The following UMOD variants were observed in gnomAD, a reference collection of about 807,000 sequenced individuals.
The protein encoded by UMOD is uromodulin, also known as Tamm-Horsfall urinary glycoprotein.
A neutral mutation model predicts 66.0 loss-of-function variants in UMOD; 64 were observed. The observed-to-expected ratio is 0.97, with a 90% CI of 0.79 to 1.19. The LOEUF is 1.19. Among genes scored for constraint, UMOD ranks in the 50% most tolerant of loss-of-function variants. The pLI, the probability that UMOD is intolerant of heterozygous loss-of-function variation, is 0.00. For synonymous variants in UMOD, 398 were observed against 352.7 expected (o/e 1.13, Z -1.44); for missense variants, 764 against 850.9 (o/e 0.90, Z 1.27).
intron 1 of UMOD, among the ~76,000 whole-genome samples, chr16:20,352,010 TC>T (rs11284615): frequency 0.038 from 3,282 of 87,258 alleles, 142 homozygotes; most frequent in African/African-American, 0.12. Flanking sequence ...AGAGAGTCCA[TC>T]CCCCCCCCCC....
intron 9 of UMOD, among the ~76,000 whole-genome samples, chr16:20,335,848 A>G (rs1216105311): frequency 6.6e-6 from 1 of 152,204 alleles, no homozygotes; most frequent in African/African-American, 2.4e-5. Context: ...TACTCTTGAA[A>G]TGACCTTTGC....
At chr16:20,333,410 A>G in intron 10 of UMOD, 35 bp from the exon 11 acceptor site, 1 of 1,590,266 alleles carries the variant, frequency 6.3e-7, no homozygotes, top group Non-Finnish European at 8.6e-7. Flanking sequence ...AACTGCTAGT[A>G]CTGCTGTACT....
intron 9 of UMOD, 61 bp from the exon 10 acceptor site, chr16:20,335,581 G>A (rs1432603172): frequency 1.3e-6 from 2 of 1,522,664 alleles, no homozygotes; most frequent in Non-Finnish European, 1.8e-6. Context: ...CAAGCATCCT[G>A]ACAGAAACCC....
chr16:20,350,918 G>A, intron 1 of UMOD, 79 bp from the exon 2 acceptor site: 1 of 1,401,554 alleles, frequency 7.1e-7, no homozygotes, highest in Non-Finnish European at 9.5e-7. Flanking sequence ...TGATTGTATA[G>A]TATACAACTC....
At chr16:20,347,473 G>A (rs998023718) in intron 4 of UMOD, among the ~76,000 whole-genome samples, 3 of 152,140 alleles carry the variant, frequency 2.0e-5, no homozygotes, top group Non-Finnish European at 4.4e-5. Context: ...TTTTATGGAA[G>A]TATTACACAA....
intron 6 of UMOD, chr16:20,342,578 T>G (rs1229739846): frequency 6.6e-6 from 1 of 151,952 alleles, no homozygotes; most frequent in South Asian, 2.1e-4. Context: ...CAGAAAACCA[T>G]GGGCAAGCTT....
intron 5 of UMOD, among the ~76,000 whole-genome samples, chr16:20,345,330 T>C (rs911658213): frequency 2.0e-5 from 3 of 150,786 alleles, no homozygotes; most frequent in Non-Finnish European, 4.4e-5. Flanking sequence ...AAATCTTTCT[T>C]TTTCTTTCTT....
intron 7 of UMOD, among the ~76,000 whole-genome samples, chr16:20,340,217 CA>C (rs1965115008): frequency 6.6e-6 from 1 of 151,970 alleles, no homozygotes; most frequent in African/African-American, 2.4e-5. Context: ...ATATTAAAAA[CA>C]TTTGCTAGCT....
chr16:20,351,492 A>C (rs1965892633), intron 1 of UMOD: 1 of 155,658 alleles, frequency 6.4e-6, no homozygotes, highest in South Asian at 2.0e-4. Flanking sequence ...AGTATGTAGG[A>C]GCTGCAGCCT....
At chr16:20,335,015 A>T (rs2141627801) in intron 10 of UMOD, among the ~76,000 whole-genome samples, 1 of 151,938 alleles carries the variant, frequency 6.6e-6, no homozygotes, top group South Asian at 2.1e-4. Flanking sequence ...TTTAGTAGAG[A>T]TGGGGTTTCA....
chr16:20,333,649 T>A (rs1263359744), intron 10 of UMOD, among the ~76,000 whole-genome samples: 3 of 152,178 alleles, frequency 2.0e-5, no homozygotes, highest in Non-Finnish European at 4.4e-5. Context: ...CTTAGAGACC[T>A]TGGGGGATAG....
intron 5 of UMOD, among the ~76,000 whole-genome samples, chr16:20,345,876 A>G (rs1423432985): frequency 6.6e-6 from 1 of 152,132 alleles, no homozygotes; most frequent in East Asian, 1.9e-4. Flanking sequence ...TGCTTTCTTT[A>G]TTTGAAGCTG....
chr16:20,346,057 A>G, intron 5 of UMOD, 69 bp downstream of exon 5: 1 of 1,438,600 alleles, frequency 7.0e-7, no homozygotes. Context: ...TTCTATAACT[A>G]GGAAGTGATA....
In UMOD at chr16:20,343,897, T is replaced by G. The variant is rs534225704; in HGVS notation, c.1331+127A>C. 3.4e-6 allele frequency: 4 copies of G among 1,162,210 alleles called. No homozygotes were observed. The Middle Eastern group carries it at 8.6e-4, about 250-fold the overall frequency. 72.0% of individuals were successfully genotyped at this position (1,162,210 alleles called of 1,614,324 possible). On this transcript the variant is annotated intron_variant, in intron 6 of 10. Coordinates refer to ENST00000396138, the MANE Select transcript of UMOD (RefSeq NM_003361.4). ...GGCTCCAGAATTCCTGGCTCTTCCA[T>G]TGGGCAACCCTGATTCCCAGCCCTC... is the stretch of plus-strand genomic sequence containing the variant.
chr16:20,349,981 T>A, intron 2 of UMOD: 1 of 1,214,768 alleles, frequency 8.2e-7, no homozygotes, highest in Admixed American at 3.0e-5. Flanking sequence ...TGTTGAATAC[T>A]TCCCAAGGGC....
intron 9 of UMOD, among the ~76,000 whole-genome samples, chr16:20,336,262 C>T (rs951087605): frequency 6.6e-6 from 1 of 152,160 alleles, no homozygotes; most frequent in East Asian, 1.9e-4. Context: ...TTCACAAGCT[C>T]CATGGGAGCA....
intron 5 of UMOD, among the ~76,000 whole-genome samples, chr16:20,344,833 A>C (rs1947287443): frequency 6.6e-6 from 1 of 152,146 alleles, no homozygotes; most frequent in African/African-American, 2.4e-5. Flanking sequence ...CTTCCCAGAC[A>C]AGAAGACAGA....
chr16:20,344,468 T>C (rs973476804), intron 5 of UMOD, among the ~76,000 whole-genome samples: 2 of 151,988 alleles, frequency 1.3e-5, no homozygotes, highest in South Asian at 4.2e-4. Flanking sequence ...CCGGGCGTGG[T>C]GGTGGGTGCC....
intron 10 of UMOD, among the ~76,000 whole-genome samples, chr16:20,334,705 C>T (rs1964778755): frequency 6.6e-6 from 1 of 151,938 alleles, no homozygotes; most frequent in Non-Finnish European, 1.5e-5. Context: ...AGCCCTCCAG[C>T]ACACCCTGGG....
Sources: allele counts gnomAD v4.1 joint callset (sites outside exome capture counted in the v4.1 genomes callset), GRCh38; gene constraint gnomAD v4.1.1; transcripts MANE v1.5; gene names NCBI Gene and HGNC (gene_info 2026-07-23, HGNC 2026-07-21).